AP1G1: variants seen among roughly 807,000 people sequenced by gnomAD.
The protein encoded by AP1G1 is AP-1 complex subunit gamma-1.
Under a neutral mutation model 108.3 loss-of-function variants are expected in AP1G1, and 7 were observed. The observed-to-expected ratio is 0.06, with a 90% CI of 0.04 to 0.12. The LOEUF (loss-of-function observed/expected upper bound fraction) is 0.12, where lower values mean the gene tolerates loss of function less well. Among genes scored for constraint, AP1G1 ranks in the 10% least tolerant of loss-of-function variants. AP1G1 has a pLI of 1.00. For missense variants in AP1G1, 756 were observed against 1,010.7 expected (o/e 0.75, Z 3.42); for synonymous variants, 379 against 353.5 (o/e 1.07, Z -0.81).
At chr16:71,790,112 AAC>A (rs968218789) in intron 1 of AP1G1, among the ~76,000 whole-genome samples, 24 of 152,288 alleles carry the variant, frequency 1.6e-4, no homozygotes, top group African/African-American at 3.1e-4. Context: ...AAAAAAAAAA[AAC>A]GTTAATAAGG....
At chr16:71,783,494 C>T (rs2032096784) in intron 2 of AP1G1, among the ~76,000 whole-genome samples, 1 of 152,138 alleles carries the variant, frequency 6.6e-6, no homozygotes, top group Admixed American at 6.5e-5. Context: ...AAATATATTT[C>T]TCCAAAGATG....
intron 1 of AP1G1, chr16:71,808,268 G>A: frequency 1.0e-6 from 1 of 970,606 alleles, no homozygotes; most frequent in Non-Finnish European, 1.3e-6. Context: ...AGAGAGGCGA[G>A]GCCGATGTCC....
chr16:71,785,869 G>A (rs188308031), intron 2 of AP1G1, among the ~76,000 whole-genome samples: 10 of 151,996 alleles, frequency 6.6e-5, no homozygotes, highest in South Asian at 4.2e-4. Flanking sequence ...GCAACAGGGC[G>A]AGACTCCATC....
chr16:71,745,509 G>A lies in AP1G1; in HGVS notation c.1836C>T (p.Thr612=). ...GCTGTGGCCCAGAGGGTGGCGGTTT[G>A]GTCTCTAGTGGAGCTGGTTCTGTCT... The part of the protein sequence containing the change: ...NGETEPAPLE[T]KPPPSGPQPT... The change falls in exon 18 of 23, where the codon ACC becomes ACT. Residue 612 remains threonine (T), a synonymous_variant. Transcript: ENST00000299980. The A allele has an allele frequency of 6.2e-7, 1 of 1,614,142 alleles. No individual in the cohort carries two copies. The highest frequency in any genetic ancestry group is 8.5e-7 in the Non-Finnish European group (1 of 1,180,014).
At chr16:71,766,320 A>G (rs1037783475) in intron 6 of AP1G1, 1 of 366,132 alleles carries the variant, frequency 2.7e-6, no homozygotes, top group Non-Finnish European at 5.6e-6. Context: ...GAGACTATAC[A>G]TTCCTTATAA....
At chr16:71,778,789 T>G (rs1191670703) in intron 2 of AP1G1, among the ~76,000 whole-genome samples, 3 of 151,070 alleles carry the variant, frequency 2.0e-5, no homozygotes, top group Non-Finnish European at 4.4e-5. Flanking sequence ...ATGGGGGAGA[T>G]GCACACAAAA....
chr16:71,756,169 G>T lies in AP1G1; in HGVS notation c.1089-10C>A. 6.3e-7 allele frequency: 1 copy of T among 1,599,916 alleles called. No individual in the cohort carries two copies. The highest frequency in any genetic ancestry group is 8.5e-7 in the Non-Finnish European group (1 of 1,175,288). ...CAATTCCATTGCACGCCTTGCAGAA[G>T]GGAAAAATTAAAAACAGTTAAGAAA... On this transcript the variant is annotated splice_polypyrimidine_tract_variant and intron_variant, in intron 11 of 22. Coordinates refer to ENST00000299980, the MANE Select transcript of AP1G1 (RefSeq NM_001128.6).
At chr16:71,736,393 T>C (rs1305715397) in intron 21 of AP1G1, among the ~76,000 whole-genome samples, 1 of 148,416 alleles carries the variant, frequency 6.7e-6, no homozygotes, top group Non-Finnish European at 1.5e-5. Flanking sequence ...ACTTTTTTTT[T>C]TTTTTTAGAT....
At chr16:71,786,187 C>A (rs1330341159) in intron 2 of AP1G1, among the ~76,000 whole-genome samples, 1 of 152,210 alleles carries the variant, frequency 6.6e-6, no homozygotes, top group South Asian at 2.1e-4. Context: ...AATTAAGTCC[C>A]AAAATACCCC....
At chr16:71,791,849 C>G (rs1203747876) in intron 1 of AP1G1, among the ~76,000 whole-genome samples, 1 of 150,428 alleles carries the variant, frequency 6.6e-6, no homozygotes, top group African/African-American at 2.4e-5. Flanking sequence ...GCAACCTCCA[C>G]CTCCTGGGTT....
At chr16:71,742,830 G>GGCAT (rs1308354457) in intron 19 of AP1G1, 2 of 152,046 alleles carry the variant, frequency 1.3e-5, no homozygotes, top group African/African-American at 4.8e-5. Context: ...AAATTAGCTG[G>GGCAT]GCATGGTGGC....
At chr16:71,771,623 T>A (rs2031575314) in intron 4 of AP1G1, among the ~76,000 whole-genome samples, 1 of 152,244 alleles carries the variant, frequency 6.6e-6, no homozygotes, top group Non-Finnish European at 1.5e-5. Flanking sequence ...CCTCTCCCTT[T>A]GTTCATATAT....
rs990273921 is a variant in AP1G1, at chr16:71,732,237, A to G, written c.*821T>C. On this transcript the variant is annotated 3_prime_UTR_variant, in exon 23 of 23. Transcript: ENST00000299980. ...CCATTTTGCACTTTAAAGGGAATCAATTTTGAAAATCATGGAGACTATTCA... is the reference window on the plus strand; with the variant it reads ...CCATTTTGCACTTTAAAGGGAATCAGTTTTGAAAATCATGGAGACTATTCA... The G allele has an allele frequency of 2.0e-5, 3 of 152,532 alleles. No individual in the cohort carries two copies. The highest frequency in any genetic ancestry group is 7.2e-5 in the African/African-American group (3 of 41,458). The allele number at this position is 152,532 out of a possible 1,614,324, so 9.4% of individuals were successfully genotyped here. A position where few individuals can be genotyped will look rare whatever the true frequency, so the allele number is the denominator to read the frequency against.
rs553593869 is a variant in AP1G1, at chr16:71,769,563, A to G, written c.642+60T>C. Reference sequence around the variant, plus strand: ...AAAAAAAATAAGAAGAAAATCATGTACTTTTCAGGAAAATCATTTTTCAAT... The same window carrying G: ...AAAAAAAATAAGAAGAAAATCATGTGCTTTTCAGGAAAATCATTTTTCAAT... On this transcript the variant is annotated intron_variant, in intron 6 of 22. Transcript: ENST00000299980. 33 of 1,456,898 alleles carry G rather than the reference A, an allele frequency of 2.3e-5. No homozygotes were observed. The South Asian group carries it at 2.5e-4, about 11-fold the overall frequency. The allele number at this position is 1,456,898 out of a possible 1,614,324, so 90.2% of individuals were successfully genotyped here. A position where few individuals can be genotyped will look rare whatever the true frequency, so the allele number is the denominator to read the frequency against.
chr16:71,744,726 C>G (rs578056335), intron 19 of AP1G1, among the ~76,000 whole-genome samples: 75 of 152,054 alleles, frequency 4.9e-4, no homozygotes, highest in South Asian at 1.2e-3. Context: ...TAGGCATGCA[C>G]CACTTCACCC....
At chr16:71,736,117 A>AATATATAT (rs1306238313) in intron 21 of AP1G1, among the ~76,000 whole-genome samples, 15 of 71,626 alleles carry the variant, frequency 2.1e-4, no homozygotes, top group East Asian at 1.4e-3. Context: ...AAAAAAAAAA[A>AATATATAT]ATATATATAT....
At position 71,790,303 on chromosome 16, in the gene AP1G1, G is replaced by C. The variant is rs12596801; in HGVS notation, c.-3-821C>G. On this transcript the variant is annotated intron_variant, in intron 1 of 22. Transcript: ENST00000299980. ...CGCCTGTAATCCCAGCACTTTGGGA[G>C]GCCAAGGTGGGCGGATCACCTGAGG... is the stretch of plus-strand genomic sequence containing the variant. 4.6e-5 allele frequency among the ~76,000 whole-genome samples: 7 copies of C among 152,214 alleles called. No individual in the cohort carries two copies. In the East Asian group the frequency reaches 1.4e-3, roughly 29 times the overall value.
chr16:71,738,137 T>G (rs2045572768), intron 21 of AP1G1, among the ~76,000 whole-genome samples: 1 of 152,108 alleles, frequency 6.6e-6, no homozygotes, highest in African/African-American at 2.4e-5. Context: ...ATCCTCAGCC[T>G]CCTGGGTTCA....
rs745506245 is a variant in AP1G1, at chr16:71,738,954, A to C, written c.2256T>G (p.Ala752=). 1.2e-6 allele frequency: 2 copies of C among 1,613,904 alleles called. No homozygotes were observed. The highest frequency in any genetic ancestry group is 1.3e-5 in the African/African-American group (1 of 74,968). Residue 752 remains alanine, a synonymous_variant, in exon 21 of 23, where the codon GCT becomes GCG. Transcript: ENST00000299980. ...ELDMTDFVFQ[A]AVPKTFQLQL... is the part of the protein sequence containing the mutation. ...GACATTGTAGTACCTTTGGTACTGC[A>C]GCTTGGAAAACAAAGTCCGTCATAT...
Sources: gnomAD v4.1 joint callset for allele counts (sites outside exome capture counted in the v4.1 genomes callset) on GRCh38, gnomAD v4.1.1 for gene constraint, MANE v1.5 for transcripts, NCBI Gene and HGNC (gene_info 2026-07-23, HGNC 2026-07-21) for gene names.